Variants in LRRTM4 observed in about 807,000 individuals in gnomAD.
The protein encoded by LRRTM4 is leucine-rich repeat transmembrane neuronal protein 4.
A neutral mutation model predicts 47.6 loss-of-function variants in LRRTM4; 25 were observed. The ratio of observed to expected loss-of-function variants is 0.53; its 90% CI spans 0.38 to 0.73. The LOEUF is 0.73. Among genes scored for constraint, LRRTM4 ranks in the 30% least tolerant of loss-of-function variants. The pLI is 0.00. For synonymous variants in LRRTM4, 311 were observed against 269.5 expected (o/e 1.15, Z -1.51); for missense variants, 638 against 713.4 (o/e 0.89, Z 1.20).
intron 3 of LRRTM4, among the ~76,000 whole-genome samples, chr2:76,787,033 G>GAAGT (rs950657577): frequency 1.1e-4 from 16 of 151,982 alleles, no homozygotes; most frequent in African/African-American, 3.9e-4. Context: ...ATATCTAAGG[G>GAAGT]AAGTACATAA....
chr2:77,031,907 C>T (rs912043556), intron 3 of LRRTM4, among the ~76,000 whole-genome samples: 1 of 152,092 alleles, frequency 6.6e-6, no homozygotes, highest in Admixed American at 6.6e-5. Flanking sequence ...AGCAGTTCAG[C>T]ATCTCAAATC....
intron 3 of LRRTM4, among the ~76,000 whole-genome samples, chr2:77,417,442 C>T (rs887615997): frequency 5.3e-5 from 8 of 152,020 alleles, no homozygotes; most frequent in Admixed American, 2.6e-4. Flanking sequence ...CACATGCACA[C>T]GTATGTTTAT....
intron 3 of LRRTM4, among the ~76,000 whole-genome samples, chr2:76,978,165 C>A (rs1676480934): frequency 2.0e-5 from 3 of 151,922 alleles, no homozygotes; most frequent in Admixed American, 1.3e-4. Flanking sequence ...ATACTATTCT[C>A]CCCCTTGGCC....
chr2:76,944,366 C>A (rs1675254475), intron 3 of LRRTM4, among the ~76,000 whole-genome samples: 1 of 152,030 alleles, frequency 6.6e-6, no homozygotes, highest in Non-Finnish European at 1.5e-5. Flanking sequence ...CTTATCCCAG[C>A]ACCAAAAAAC....
At chr2:77,164,901 G>T (rs1351244271) in intron 3 of LRRTM4, among the ~76,000 whole-genome samples, 4 of 152,110 alleles carry the variant, frequency 2.6e-5, no homozygotes, top group African/African-American at 9.7e-5. Flanking sequence ...ACAATTAAAA[G>T]AACTAGAGAA....
In LRRTM4 at chr2:76,775,004, T is replaced by G. The variant is rs148103040; in HGVS notation, c.1552-26088A>C. Reference sequence around the variant, plus strand: ...CTCATCTCCATAAAGTTGTCTTCTTTTAATTCCTCTAGTGTGGTGTCTCTT... The same window carrying G: ...CTCATCTCCATAAAGTTGTCTTCTTGTAATTCCTCTAGTGTGGTGTCTCTT... On this transcript the variant is annotated intron_variant, in intron 3 of 3. Transcript: ENST00000409884. Among the ~76,000 whole-genome samples the G allele has an allele frequency of 6.8e-3, 1,036 of 152,306 alleles. 8 individuals are homozygous for G. The highest frequency in any genetic ancestry group is 0.014 in the Admixed American group (220 of 15,292).
Position 77,519,278 on chromosome 2 carries a change from G to A in LRRTM4, c.591C>T (p.Ser197=), listed in dbSNP as rs772577333. ...TCAAGAGGCCAGCAAATGCATTTCGGGACAAGCTTCGAAGACGATTGTAAC... is the reference window on the plus strand; with the variant it reads ...TCAAGAGGCCAGCAAATGCATTTCGAGACAAGCTTCGAAGACGATTGTAAC... ...DLGYNRLRSL[S]RNAFAGLLKL... The change falls in exon 3 of 4, where the codon TCC becomes TCT. Residue 197 remains serine (S), a synonymous_variant. Coordinates refer to ENST00000409884, the MANE Select transcript of LRRTM4 (RefSeq NM_001134745.3). The surrounding 1 kb of genome is among the most constrained non-coding windows in gnomAD (Gnocchi z 4.6). 4 of 1,613,370 alleles carry A rather than the reference G, an allele frequency of 2.5e-6. No individual in the cohort carries two copies. The highest frequency in any genetic ancestry group is 3.4e-6 in the Non-Finnish European group (4 of 1,179,590).
chr2:77,285,363 T>TATATATATATATATATATATA (rs1676625877), intron 3 of LRRTM4, among the ~76,000 whole-genome samples: 6 of 143,432 alleles, frequency 4.2e-5, no homozygotes, highest in African/African-American at 7.6e-5. Context: ...TATATATATA[T>TATATATATATATATATATATA]GGCCAATAGA....
chr2:77,330,448 A>C (rs1670931349), intron 3 of LRRTM4, among the ~76,000 whole-genome samples: 1 of 152,162 alleles, frequency 6.6e-6, no homozygotes, highest in Admixed American at 6.6e-5. Flanking sequence ...TATTTTGTTG[A>C]GTGGGGAGAG....
chr2:76,779,111 C>A (rs1043081797), intron 3 of LRRTM4, among the ~76,000 whole-genome samples: 1 of 150,402 alleles, frequency 6.6e-6, no homozygotes, highest in Non-Finnish European at 1.5e-5. Context: ...TTTGATTGCA[C>A]TGTGGTCTGA....
chr2:77,047,253 G>A (rs1255542086), intron 3 of LRRTM4, among the ~76,000 whole-genome samples: 1 of 151,674 alleles, frequency 6.6e-6, no homozygotes, highest in Non-Finnish European at 1.5e-5. Flanking sequence ...TTATTGTTGT[G>A]GATATTATTA....
intron 3 of LRRTM4, among the ~76,000 whole-genome samples, chr2:77,357,945 T>C (rs1672031863): frequency 6.6e-6 from 1 of 152,154 alleles, no homozygotes; most frequent in African/African-American, 2.4e-5. Flanking sequence ...TGTTCATGAA[T>C]AATGTGTTTA....
intron 3 of LRRTM4, among the ~76,000 whole-genome samples, chr2:77,174,044 G>C (rs948556000): frequency 2.0e-5 from 3 of 152,042 alleles, no homozygotes; most frequent in African/African-American, 7.2e-5. Flanking sequence ...AAAAGCAGGA[G>C]TTGTGCTGCC....
chr2:77,069,527 T>C (rs1680080123), intron 3 of LRRTM4, among the ~76,000 whole-genome samples: 1 of 152,170 alleles, frequency 6.6e-6, no homozygotes, highest in African/African-American at 2.4e-5. Flanking sequence ...CATCTTGTTC[T>C]GGACTTTTAA....
chr2:77,212,048 T>A (rs1674306349), intron 3 of LRRTM4, among the ~76,000 whole-genome samples: 1 of 152,040 alleles, frequency 6.6e-6, no homozygotes, highest in African/African-American at 2.4e-5. Flanking sequence ...ATTTCAGGGT[T>A]AATATACCTC....
At chr2:76,989,901 A>G (rs1453217030) in intron 3 of LRRTM4, 1 of 151,848 alleles carries the variant, frequency 6.6e-6, no homozygotes, top group Non-Finnish European at 1.5e-5. Context: ...AATTGTGATA[A>G]AACAGATAAA....
At chr2:77,299,989 C>T (rs1261286053) in intron 3 of LRRTM4, among the ~76,000 whole-genome samples, 1 of 151,486 alleles carries the variant, frequency 6.6e-6, no homozygotes, top group Non-Finnish European at 1.5e-5. Flanking sequence ...GTAACTGGGA[C>T]TACAGGCATG....
intron 3 of LRRTM4, among the ~76,000 whole-genome samples, chr2:77,204,859 C>T (rs1057262715): frequency 1.3e-5 from 2 of 152,084 alleles, no homozygotes; most frequent in African/African-American, 4.8e-5. Context: ...ACCAACCCAC[C>T]CACTCTCAAC....
intron 3 of LRRTM4, among the ~76,000 whole-genome samples, chr2:77,192,757 T>C (rs553624646): frequency 6.6e-6 from 1 of 152,308 alleles, no homozygotes; most frequent in African/African-American, 2.4e-5. Flanking sequence ...CCAGATGTGA[T>C]CTTAAGTTGA....
Sources: gnomAD v4.1 joint callset for allele counts (sites outside exome capture counted in the v4.1 genomes callset) on GRCh38, gnomAD v4.1.1 for gene constraint, Gnocchi (gnomAD v3.1) non-coding constraint, MANE v1.5 for transcripts, NCBI Gene and HGNC (gene_info 2026-07-23, HGNC 2026-07-21) for gene names.